The following DLG2 variants were observed in gnomAD, a reference collection of about 807,000 sequenced individuals.
DLG2 encodes the protein discs large MAGUK scaffold protein 2, also known as disks large homolog 2.
A neutral mutation model predicts 132.5 loss-of-function variants in DLG2; 45 were observed. The observed-to-expected ratio is 0.34, with a 90% CI of 0.27 to 0.44. The LOEUF (loss-of-function observed/expected upper bound fraction) is 0.44. Among genes scored for constraint, DLG2 ranks in the 20% least tolerant of loss-of-function variants. DLG2 has a pLI of 1.00. For synonymous variants in DLG2, 424 were observed against 419.6 expected, an observed-to-expected ratio of 1.01 and a Z score of -0.13; for missense variants, 1,045 against 1,196.9, an observed-to-expected ratio of 0.87 and a Z score of 1.87.
At chr11:83,514,598 G>C (rs376180969) in intron 21 of DLG2, among the ~76,000 whole-genome samples, 2 of 152,130 alleles carry the variant, frequency 1.3e-5, no homozygotes, top group Non-Finnish European at 2.9e-5. Context: ...AGACATCCCT[G>C]TCTTGTGCCA....
At chr11:83,620,869 C>CAAAAAAAAAAAAAA (rs56868518) in intron 19 of DLG2, among the ~76,000 whole-genome samples, 25 of 57,210 alleles carry the variant, frequency 4.4e-4, no homozygotes, top group African/African-American at 2.4e-3. Flanking sequence ...GACTCCGTCT[C>CAAAAAAAAAAAAAA]AAAAAAAAAA....
At chr11:83,812,818 A>G (rs2153966979) in intron 17 of DLG2, among the ~76,000 whole-genome samples, 1 of 152,266 alleles carries the variant, frequency 6.6e-6, no homozygotes, top group East Asian at 1.9e-4. Context: ...AATGTACTTG[A>G]GGTCAGCTTT....
rs554437803 is a variant in DLG2, at chr11:84,159,279, T to C, written c.624+4182A>G. Among the ~76,000 whole-genome samples the C allele has an allele frequency of 1.9e-4, 29 of 152,216 alleles. No individual in the cohort carries two copies. The South Asian group carries it at 6.0e-3, about 32-fold the overall frequency. On this transcript the variant is annotated intron_variant, in intron 9 of 27. Transcript: ENST00000376104. ...GTTAACAAAATAAACTATAAATAAA[T>C]AATATACATTTCAGATACTGGTGAG...
At chr11:85,178,891 A>C (rs2079506818) in intron 4 of DLG2, among the ~76,000 whole-genome samples, 1 of 151,940 alleles carries the variant, frequency 6.6e-6, no homozygotes, top group Non-Finnish European at 1.5e-5. Flanking sequence ...TCCAATATAC[A>C]TCTTCTCAGA....
intron 6 of DLG2, among the ~76,000 whole-genome samples, chr11:84,846,159 G>C (rs1380647123): frequency 6.6e-6 from 1 of 151,958 alleles, no homozygotes; most frequent in East Asian, 1.9e-4. Flanking sequence ...ATATTCTTAT[G>C]AGGATGAAAT....
At chr11:84,772,640 G>A (rs1423022307) in intron 6 of DLG2, among the ~76,000 whole-genome samples, 2 of 151,846 alleles carry the variant, frequency 1.3e-5, no homozygotes, top group Admixed American at 6.6e-5. Flanking sequence ...ATACCAAGAC[G>A]AACTCTCAAG....
At chr11:84,407,532 T>A (rs1416508012) in intron 7 of DLG2, among the ~76,000 whole-genome samples, 1 of 152,198 alleles carries the variant, frequency 6.6e-6, no homozygotes, top group Non-Finnish European at 1.5e-5. Context: ...CAGGTTATGT[T>A]GTTGTTACTG....
chr11:84,232,949 T>C (rs1021112588), intron 8 of DLG2, among the ~76,000 whole-genome samples: 7 of 152,130 alleles, frequency 4.6e-5, no homozygotes, highest in South Asian at 4.1e-4. Flanking sequence ...AAAATAACCA[T>C]TTAGGTGGGA....
At chr11:84,922,943 C>G (rs1295291316) in intron 6 of DLG2, 1 of 1,095,920 alleles carries the variant, frequency 9.1e-7, no homozygotes, top group Non-Finnish European at 1.4e-6. Context: ...TAAAACAAAG[C>G]CTTTGCAACC....
chr11:83,947,851 G>A (rs2084438592), intron 14 of DLG2, among the ~76,000 whole-genome samples: 1 of 152,098 alleles, frequency 6.6e-6, no homozygotes, highest in East Asian at 1.9e-4. Flanking sequence ...TGGCTTCTGA[G>A]TTTGTCACTT....
At chr11:84,451,552 G>A (rs1325020456) in intron 7 of DLG2, among the ~76,000 whole-genome samples, 1 of 151,708 alleles carries the variant, frequency 6.6e-6, no homozygotes, top group Non-Finnish European at 1.5e-5. Context: ...GAAAACTCGG[G>A]AGTATATATG....
At chr11:85,612,794 G>A (rs189929935) in intron 2 of DLG2, among the ~76,000 whole-genome samples, 48 of 152,216 alleles carry the variant, frequency 3.2e-4, no homozygotes, top group African/African-American at 1.1e-3. Context: ...TACAGAAACT[G>A]GAATAGCAGG....
intron 19 of DLG2, among the ~76,000 whole-genome samples, chr11:83,551,329 C>T (rs545426060): frequency 3.9e-5 from 6 of 152,240 alleles, no homozygotes; most frequent in African/African-American, 1.4e-4. Flanking sequence ...CTCTGCTATC[C>T]AGTAGCACTC....
chr11:83,969,890 T>C lies in DLG2; in HGVS notation c.1057-4422A>G, dbSNP rs376267762. On this transcript the variant is annotated intron_variant, in intron 12 of 27. Transcript: ENST00000376104. The stretch of plus-strand genomic sequence containing the variant: ...ACCTGGCCGATAATGAATATTTACA[T>C]GTGATGTTCTATGGTTTAAAATGTA... Among the ~76,000 whole-genome samples, 12 of 151,948 alleles carry C rather than the reference T, an allele frequency of 7.9e-5. 1 individual carries two copies. The highest frequency in any genetic ancestry group is 2.7e-4 in the African/African-American group (11 of 41,426).
chr11:84,765,064 T>C (rs1379365601), intron 6 of DLG2, among the ~76,000 whole-genome samples: 2 of 152,118 alleles, frequency 1.3e-5, no homozygotes, highest in African/African-American at 4.8e-5. Context: ...GTACCTTTCA[T>C]ATTATTTATT....
intron 16 of DLG2, among the ~76,000 whole-genome samples, chr11:83,853,182 T>C (rs2060038447): frequency 6.6e-6 from 1 of 152,102 alleles, no homozygotes; most frequent in East Asian, 1.9e-4. Context: ...TTTCTTTAAG[T>C]GGACTCTTTC....
At chr11:84,637,515 T>G (rs936532567) in intron 6 of DLG2, among the ~76,000 whole-genome samples, 2 of 152,208 alleles carry the variant, frequency 1.3e-5, no homozygotes, top group African/African-American at 4.8e-5. Flanking sequence ...TGAATTGTCA[T>G]GGACCTCTGA....
chr11:85,583,889 C>A (rs997190291), intron 3 of DLG2, among the ~76,000 whole-genome samples: 1 of 152,170 alleles, frequency 6.6e-6, no homozygotes, highest in African/African-American at 2.4e-5. Flanking sequence ...CACATATCTG[C>A]AAAGAAAATG....
intron 6 of DLG2, among the ~76,000 whole-genome samples, chr11:84,585,879 T>G (rs1364838422): frequency 1.3e-5 from 2 of 152,230 alleles, no homozygotes; most frequent in East Asian, 3.9e-4. Flanking sequence ...GCGTTAACGC[T>G]GTGGGCTTAC....
Sources: gnomAD v4.1 joint callset for allele counts (sites outside exome capture counted in the v4.1 genomes callset) on GRCh38, gnomAD v4.1.1 for gene constraint, MANE v1.5 for transcripts, NCBI Gene and HGNC (gene_info 2026-07-23, HGNC 2026-07-21) for gene names.